The following CTNNA3 variants were observed in gnomAD, a reference collection of about 807,000 sequenced individuals.
CTNNA3 encodes the protein catenin alpha 3, also known as catenin alpha-3.
Under a neutral mutation model 95.7 loss-of-function variants are expected in CTNNA3, and 76 were observed. That is an observed-to-expected ratio of 0.79 (90% CI 0.66 to 0.96). The LOEUF is 0.96. Among genes scored for constraint, CTNNA3 ranks in the 40% least tolerant of loss-of-function variants. The pLI, the probability that CTNNA3 is intolerant of heterozygous loss-of-function variation, is 0.00. For missense variants in CTNNA3, 1,191 were observed against 1,089.8 expected (o/e 1.09, Z -1.31); for synonymous variants, 431 against 374.4 (o/e 1.15, Z -1.74).
chr10:66,216,080 C>A (rs975805106), intron 13 of CTNNA3, among the ~76,000 whole-genome samples: 20 of 152,344 alleles, frequency 1.3e-4, no homozygotes, highest in African/African-American at 4.8e-4. Flanking sequence ...TCTTGATTAA[C>A]CCCTGTTCAG....
chr10:66,532,030 A>G (rs1018158269), intron 10 of CTNNA3, among the ~76,000 whole-genome samples: 3 of 152,148 alleles, frequency 2.0e-5, no homozygotes, highest in Non-Finnish European at 4.4e-5. Flanking sequence ...CTTTTTTTAA[A>G]GGACTTTTAT....
At chr10:65,940,010 T>C (rs1017437921) in intron 17 of CTNNA3, among the ~76,000 whole-genome samples, 4 of 152,318 alleles carry the variant, frequency 2.6e-5, no homozygotes, top group East Asian at 1.9e-4. Context: ...ATCAATGTAT[T>C]TGAGCACCTT....
chr10:66,774,925 A>C (rs1840234225), intron 8 of CTNNA3, among the ~76,000 whole-genome samples: 1 of 152,202 alleles, frequency 6.6e-6, no homozygotes, highest in Non-Finnish European at 1.5e-5. Context: ...TTTTACAAAA[A>C]CTAATTTTTG....
intron 5 of CTNNA3, among the ~76,000 whole-genome samples, chr10:67,332,884 C>T (rs1841851041): frequency 6.6e-6 from 1 of 152,136 alleles, no homozygotes; most frequent in South Asian, 2.1e-4. Context: ...TAGCTCCAAG[C>T]TATAGCACGT....
chr10:66,023,165 C>A (rs748106321), intron 15 of CTNNA3, among the ~76,000 whole-genome samples: 1 of 152,072 alleles, frequency 6.6e-6, no homozygotes. Context: ...TTTTAGAAAG[C>A]CTTTCACTAC....
intron 17 of CTNNA3, among the ~76,000 whole-genome samples, chr10:65,929,673 A>G (rs938251094): frequency 1.3e-5 from 2 of 150,486 alleles, no homozygotes; most frequent in African/African-American, 4.9e-5. Context: ...GGTTCACGCC[A>G]TTCTCCTGTC....
Position 66,574,816 on chromosome 10 carries a change from C to T in CTNNA3, c.1374+46876G>A, listed in dbSNP as rs186641566. ...GGGCGCAAGGATGCTCATGCCATAG[C>T]CTATGCTCAAAAGAGGATTCTTAGT... On this transcript the variant is annotated intron_variant, in intron 10 of 17. Coordinates refer to ENST00000433211, the MANE Select transcript of CTNNA3 (RefSeq NM_013266.4). Among the ~76,000 whole-genome samples the T allele has an allele frequency of 1.1e-3, 162 of 152,218 alleles. 4 individuals are homozygous for T. Among genetic ancestry groups the T allele is most frequent in the Admixed American group, 9.8e-4 (15 of 15,284 alleles).
intron 6 of CTNNA3, among the ~76,000 whole-genome samples, chr10:67,191,142 G>T (rs1244917695): frequency 6.6e-6 from 1 of 152,018 alleles, no homozygotes; most frequent in African/African-American, 2.4e-5. Flanking sequence ...TGATAGGAAT[G>T]CAAAGTGATA....
At chr10:67,052,313 ACTCTCTCTCTCTCTCT>A (rs3841706) in intron 7 of CTNNA3, among the ~76,000 whole-genome samples, 1 of 121,122 alleles carries the variant, frequency 8.3e-6, no homozygotes, top group Non-Finnish European at 1.7e-5. Flanking sequence ...CCCACTCATC[ACTCTCTCTCTCTCTCT>A]CTCTCTCTCT....
At chr10:67,114,598 C>T (rs1859074863) in intron 7 of CTNNA3, among the ~76,000 whole-genome samples, 1 of 151,870 alleles carries the variant, frequency 6.6e-6, no homozygotes, top group Non-Finnish European at 1.5e-5. Flanking sequence ...CAGCACACAC[C>T]TAAAATTAAA....
chr10:66,541,902 C>T (rs1040713326), intron 10 of CTNNA3, among the ~76,000 whole-genome samples: 1 of 152,066 alleles, frequency 6.6e-6, no homozygotes. Flanking sequence ...TTTGCATAAA[C>T]TAAAGAGCTT....
In CTNNA3 at chr10:67,235,052, T is replaced by C. The variant is rs1218820115; in HGVS notation, c.580-15182A>G. 3.3e-5 allele frequency among the ~76,000 whole-genome samples: 5 copies of C among 150,778 alleles called. No homozygotes were observed. In the East Asian group the frequency reaches 9.7e-4, roughly 29 times the overall value. On this transcript the variant is annotated intron_variant, in intron 5 of 17. Coordinates refer to ENST00000433211, the MANE Select transcript of CTNNA3 (RefSeq NM_013266.4). ...TGGAAGAACATTCCATGCTCATGGG[T>C]AGGAAGAATCAATATCGTGAAAATG...
intron 12 of CTNNA3, among the ~76,000 whole-genome samples, chr10:66,337,893 A>T (rs1795562773): frequency 6.6e-6 from 1 of 152,060 alleles, no homozygotes; most frequent in South Asian, 2.1e-4. Context: ...CAGCAATTTC[A>T]TTCCTAGGTA....
intron 10 of CTNNA3, among the ~76,000 whole-genome samples, chr10:66,619,843 G>A (rs75186218): frequency 0.037 from 5,560 of 152,018 alleles, 324 homozygotes; most frequent in African/African-American, 0.13. Flanking sequence ...ACATGTGTAC[G>A]TGTATTTATG....
intron 13 of CTNNA3, among the ~76,000 whole-genome samples, chr10:66,124,418 C>T (rs1354871553): frequency 6.6e-6 from 1 of 152,192 alleles, no homozygotes; most frequent in Admixed American, 6.5e-5. Flanking sequence ...TTCAACAAGT[C>T]TATAGGGTGT....
intron 15 of CTNNA3, among the ~76,000 whole-genome samples, chr10:66,032,319 A>AT (rs1330026543): frequency 1.3e-5 from 2 of 152,154 alleles, no homozygotes; most frequent in African/African-American, 4.8e-5. Context: ...TGATTAAATT[A>AT]TTTTATGAAT....
intron 5 of CTNNA3, among the ~76,000 whole-genome samples, chr10:67,515,428 A>T (rs1246150222): frequency 6.6e-6 from 1 of 151,950 alleles, no homozygotes; most frequent in Non-Finnish European, 1.5e-5. Flanking sequence ...TGGGACAAAC[A>T]ACTATGTACA....
At chr10:66,138,467 C>G (rs557049516) in intron 13 of CTNNA3, among the ~76,000 whole-genome samples, 3 of 152,114 alleles carry the variant, frequency 2.0e-5, no homozygotes, top group African/African-American at 7.2e-5. Flanking sequence ...GCAAAGAAAA[C>G]AATAGTAGGC....
intron 5 of CTNNA3, among the ~76,000 whole-genome samples, chr10:67,492,743 A>T (rs1838892873): frequency 6.6e-6 from 1 of 152,228 alleles, no homozygotes; most frequent in East Asian, 1.9e-4. Context: ...CGAAGAGGGA[A>T]CAGCAAGTAC....
Sources: allele counts gnomAD v4.1 joint callset (sites outside exome capture counted in the v4.1 genomes callset), GRCh38; gene constraint gnomAD v4.1.1; transcripts MANE v1.5; gene names NCBI Gene and HGNC (gene_info 2026-07-23, HGNC 2026-07-21).